PTPRD: variants seen among roughly 807,000 people sequenced by gnomAD.
PTPRD encodes the protein protein tyrosine phosphatase receptor type D.
Under a neutral mutation model 214.5 loss-of-function variants are expected in PTPRD, and 34 were observed. The observed-to-expected ratio is 0.16, with a 90% CI of 0.12 to 0.21. PTPRD has a LOEUF of 0.21. Among genes scored for constraint, PTPRD ranks in the 10% least tolerant of loss-of-function variants. PTPRD has a pLI of 1.00. For missense variants in PTPRD, 2,545 were observed against 2,398.7 expected (o/e 1.06, Z -1.27); for synonymous variants, 1,128 against 845.7 (o/e 1.33, Z -5.79).
intron 4 of PTPRD, among the ~76,000 whole-genome samples, chr9:10,009,993 C>A (rs1430470628): frequency 6.6e-6 from 1 of 151,872 alleles, no homozygotes; most frequent in Non-Finnish European, 1.5e-5. Context: ...CCTGAATTAG[C>A]TTTTCAGGAT....
intron 9 of PTPRD, among the ~76,000 whole-genome samples, chr9:9,193,316 GA>G (rs1319884623): frequency 1.3e-5 from 2 of 152,082 alleles, no homozygotes; most frequent in Admixed American, 6.6e-5. Flanking sequence ...AGCTGCATGT[GA>G]ACATGATAAT....
At chr9:9,083,753 G>A (rs150231629) in intron 10 of PTPRD, among the ~76,000 whole-genome samples, 2,187 of 152,120 alleles carry the variant, frequency 0.014, 38 homozygotes, top group East Asian at 0.064. Flanking sequence ...GATTTGAATA[G>A]ACACTTCTCA....
Position 10,469,168 on chromosome 9 carries a change from A to G in PTPRD, c.-599-128151T>C, listed in dbSNP as rs1242116382. 3.3e-5 allele frequency among the ~76,000 whole-genome samples: 5 copies of G among 152,164 alleles called. No homozygotes were observed. In the South Asian group the frequency reaches 6.2e-4, roughly 19 times the overall value. On this transcript the variant is annotated intron_variant, in intron 2 of 45. Coordinates refer to ENST00000381196, the MANE Select transcript of PTPRD (RefSeq NM_002839.4). ...TATACCAATCCAAATGGAAGAAACAAAAGACAAACATTATGGTTGCCCATA... is the reference window on the plus strand; with the variant it reads ...TATACCAATCCAAATGGAAGAAACAGAAGACAAACATTATGGTTGCCCATA...
In PTPRD at chr9:8,465,551, T is replaced by C. The variant is rs1343092231; in HGVS notation, c.3629A>G (p.His1210Arg). 3.1e-6 allele frequency: 5 copies of C among 1,612,556 alleles called. No homozygotes were observed. The highest frequency in any genetic ancestry group is 3.4e-6 in the Non-Finnish European group (4 of 1,179,080). The change falls in exon 32 of 46, where the codon CAT (histidine) becomes CGT (arginine). Residue 1210 changes from histidine (H) to arginine (R), a missense_variant. Physicochemically the swap from His to Arg is conservative, Grantham distance 29. Coordinates refer to ENST00000381196, the MANE Select transcript of PTPRD (RefSeq NM_002839.4). ...PTEFTLGDDK[H>R]YGGFTNKQLQ... ...TTGCTTGTTTGTAAATCCACCATAA[T>C]GCTTGTCATCCCCCAGGGTGAACTC... is the stretch of plus-strand genomic sequence containing the variant.
At chr9:8,689,695 G>A (rs1178941366) in intron 12 of PTPRD, among the ~76,000 whole-genome samples, 1 of 152,120 alleles carries the variant, frequency 6.6e-6, no homozygotes, top group Non-Finnish European at 1.5e-5. Context: ...AGATTTGGGT[G>A]GGGACACAGC....
chr9:10,373,939 G>C (rs922672711), intron 2 of PTPRD, among the ~76,000 whole-genome samples: 1 of 151,962 alleles, frequency 6.6e-6, no homozygotes, highest in Non-Finnish European at 1.5e-5. Context: ...AGGTTGTTGA[G>C]TTCACATCAA....
intron 10 of PTPRD, among the ~76,000 whole-genome samples, chr9:9,056,519 T>C (rs2099696551): frequency 6.6e-6 from 1 of 152,252 alleles, no homozygotes; most frequent in South Asian, 2.1e-4. Flanking sequence ...TCGAAGTTTA[T>C]TCTCCAGTTT....
intron 5 of PTPRD, among the ~76,000 whole-genome samples, chr9:9,883,856 A>G (rs2069737120): frequency 6.6e-6 from 1 of 152,130 alleles, no homozygotes; most frequent in East Asian, 1.9e-4. Context: ...ACCAAAGTGC[A>G]TTTCCAATGT....
At chr9:9,602,726 T>A (rs1488658658) in intron 7 of PTPRD, among the ~76,000 whole-genome samples, 6 of 152,088 alleles carry the variant, frequency 3.9e-5, no homozygotes, top group African/African-American at 1.2e-4. Context: ...TCTATCTTAT[T>A]CCCGTCTGGA....
At chr9:9,968,843 G>C (rs2094896578) in intron 4 of PTPRD, among the ~76,000 whole-genome samples, 1 of 152,044 alleles carries the variant, frequency 6.6e-6, no homozygotes. Context: ...TAATGAAAAA[G>C]AACCAAAGAC....
intron 11 of PTPRD, among the ~76,000 whole-genome samples, chr9:8,809,149 C>T (rs1479534502): frequency 6.6e-6 from 1 of 152,098 alleles, no homozygotes; most frequent in Non-Finnish European, 1.5e-5. Context: ...TTCCAGCATC[C>T]TATACTTCAT....
chr9:9,148,824 G>C (rs940998910), intron 10 of PTPRD, among the ~76,000 whole-genome samples: 1 of 151,980 alleles, frequency 6.6e-6, no homozygotes, highest in Admixed American at 6.6e-5. Context: ...TTTAATTTTA[G>C]TACTATTTAC....
intron 5 of PTPRD, among the ~76,000 whole-genome samples, chr9:9,850,676 A>T (rs867614118): frequency 2.6e-5 from 4 of 152,128 alleles, no homozygotes; most frequent in African/African-American, 9.7e-5. Context: ...TTTGTTTTTT[A>T]TTGTGAGAAC....
At chr9:10,503,096 C>G (rs1014305545) in intron 2 of PTPRD, among the ~76,000 whole-genome samples, 9 of 144,120 alleles carry the variant, frequency 6.2e-5, no homozygotes, top group African/African-American at 2.3e-4. Flanking sequence ...CCAATACTCC[C>G]ATTTTTGTCT....
chr9:8,488,965 G>A (rs1056182164), intron 27 of PTPRD, among the ~76,000 whole-genome samples: 3 of 152,084 alleles, frequency 2.0e-5, no homozygotes, highest in South Asian at 2.1e-4. Context: ...TAGTTCCAAC[G>A]AACTGCATAA....
At chr9:10,569,994 A>G (rs2066916537) in intron 2 of PTPRD, among the ~76,000 whole-genome samples, 1 of 152,198 alleles carries the variant, frequency 6.6e-6, no homozygotes, top group South Asian at 2.1e-4. Context: ...ACCTTAACCT[A>G]TTACTTATAT....
At chr9:10,217,071 T>C (rs1345590686) in intron 3 of PTPRD, among the ~76,000 whole-genome samples, 1 of 151,988 alleles carries the variant, frequency 6.6e-6, no homozygotes, top group Non-Finnish European at 1.5e-5. Context: ...TGTATTCTCA[T>C]TTACTTGACT....
intron 12 of PTPRD, among the ~76,000 whole-genome samples, chr9:8,715,405 A>C (rs2154410053): frequency 6.6e-6 from 1 of 152,316 alleles, no homozygotes; most frequent in South Asian, 2.1e-4. Flanking sequence ...TCTTGCCATC[A>C]TACCACCAGC....
At chr9:8,455,692 T>C (rs1348733754) in intron 33 of PTPRD, among the ~76,000 whole-genome samples, 2 of 152,204 alleles carry the variant, frequency 1.3e-5, no homozygotes, top group African/African-American at 4.8e-5. Context: ...CATTGGTTAA[T>C]TCTTCTTATT....
Sources: gnomAD v4.1 joint callset for allele counts (sites outside exome capture counted in the v4.1 genomes callset) on GRCh38, gnomAD v4.1.1 for gene constraint, MANE v1.5 for transcripts, NCBI Gene and HGNC (gene_info 2026-07-23, HGNC 2026-07-21) for gene names.